The following ZC4H2 variants were observed in gnomAD, a reference collection of about 807,000 sequenced individuals.
ZC4H2 encodes zinc finger C4H2-type containing.
For missense variants in ZC4H2, 137 were observed against 173.9 expected (o/e 0.79, Z 1.19); for synonymous variants, 84 against 66.3 (o/e 1.27, Z -1.30).
At chrX:64,925,260 T>C (rs1204574478) in intron 1 of ZC4H2, among the ~76,000 whole-genome samples, 1 of 111,633 alleles carries the variant, frequency 9.0e-6, no homozygotes, top group Non-Finnish European at 1.9e-5. Flanking sequence ...ATAATAATCA[T>C]TAGTGGGAGA....
chrX:65,003,577 T>C (rs1932595164), intron 1 of ZC4H2, among the ~76,000 whole-genome samples: 1 of 110,768 alleles, frequency 9.0e-6, no homozygotes, highest in Non-Finnish European at 1.9e-5. Flanking sequence ...GAAATAGACA[T>C]GATAAAAATG....
intron 1 of ZC4H2, among the ~76,000 whole-genome samples, chrX:64,935,718 C>A (rs974228821): frequency 8.9e-6 from 1 of 111,921 alleles, no homozygotes; most frequent in Non-Finnish European, 1.9e-5. Context: ...TTCCAGCAGA[C>A]CTGCAGCAGA....
chrX:64,980,778 AC>A (rs1010899160), upstream of ZC4H2, among the ~76,000 whole-genome samples: 1 of 111,239 alleles, frequency 9.0e-6, no homozygotes, highest in Non-Finnish European at 1.9e-5. Context: ...CCATGCTCTC[AC>A]CTACTATGTT....
At chrX:64,980,209 C>T (rs1932055337), upstream of ZC4H2, among the ~76,000 whole-genome samples, 1 of 112,192 alleles carries the variant, frequency 8.9e-6, no homozygotes, top group Non-Finnish European at 1.9e-5. Context: ...TGTCAGGAAC[C>T]ATCGAGGTTT....
At position 65,000,085 on chromosome X, in the gene ZC4H2, G is replaced by C. The variant is rs1443377430; in HGVS notation, c.-272+34544C>G. ...GCACATCTCCAAGCACAGCATGTGA[G>C]CTCTGCTTAAGGGATAGACTGCTTC... On this transcript the variant is annotated intron_variant, in intron 1 of 4. Transcript: ENST00000337990. Among the ~76,000 whole-genome samples, 4 of 112,469 alleles carry C rather than the reference G, an allele frequency of 3.6e-5. No individual in the cohort carries two copies. In the Admixed American group the frequency reaches 3.7e-4, roughly 10 times the overall value.
At position 64,918,933 on chromosome X, in the gene ZC4H2, T is replaced by C. The variant is rs7054809; in HGVS notation, c.561+109A>G. On this transcript the variant is annotated intron_variant, in intron 4 of 4. Coordinates refer to ENST00000374839, the MANE Select transcript of ZC4H2 (RefSeq NM_018684.4). ...CCACTGTGTCACAAGCAAAGGCCAT[T>C]AAAAGAAGGCCCAGCATAAATAAAG... 2,481 of 997,207 alleles carry C rather than the reference T, an allele frequency of 2.5e-3. 31 individuals carry two copies. The African/African-American group carries it at 0.043, about 17-fold the overall frequency. 82.2% of individuals were successfully genotyped at this position (997,207 alleles called of 1,213,427 possible).
chrX:65,014,552 C>T (rs1169619216), intron 1 of ZC4H2, among the ~76,000 whole-genome samples: 1 of 111,766 alleles, frequency 8.9e-6, no homozygotes, highest in Non-Finnish European at 1.9e-5. Context: ...ATTCATATTT[C>T]ACCAAGCTCT....
chrX:64,999,305 G>C (rs1932487519), intron 1 of ZC4H2, among the ~76,000 whole-genome samples: 1 of 111,229 alleles, frequency 9.0e-6, no homozygotes, highest in Non-Finnish European at 1.9e-5. Context: ...GCTGAAGCAG[G>C]GTGGGGTATT....
At chrX:64,945,539 C>G (rs1400698875) in intron 1 of ZC4H2, among the ~76,000 whole-genome samples, 1 of 111,757 alleles carries the variant, frequency 8.9e-6, no homozygotes, top group Non-Finnish European at 1.9e-5. Context: ...AGGTGTCTCC[C>G]AGTCAGGAGG....
rs1226049813 is a variant in ZC4H2, at chrX:64,917,714, C to T, written c.*69G>A. The T allele has an allele frequency of 1.3e-5, 15 of 1,170,564 alleles. No individual in the cohort carries two copies. Among genetic ancestry groups the T allele is most frequent in the Non-Finnish European group, 1.7e-5 (15 of 874,005 alleles). On this transcript the variant is annotated 3_prime_UTR_variant, in exon 5 of 5. Coordinates refer to ENST00000374839, the MANE Select transcript of ZC4H2 (RefSeq NM_018684.4). Reference sequence around the variant, plus strand: ...GGGTTGGGCAAGGGTTGTTTCACATCAGGACATCAATGACTCTGGTCAAGG... The same window carrying T: ...GGGTTGGGCAAGGGTTGTTTCACATTAGGACATCAATGACTCTGGTCAAGG...
At chrX:65,026,274 T>C (rs939970141) in intron 1 of ZC4H2, among the ~76,000 whole-genome samples, 1 of 111,866 alleles carries the variant, frequency 8.9e-6, no homozygotes, top group African/African-American at 3.3e-5. Context: ...TATAAATTAT[T>C]CAGGCAAAAT....
intron 1 of ZC4H2, among the ~76,000 whole-genome samples, chrX:65,013,562 C>G (rs1373082629): frequency 1.8e-5 from 2 of 111,527 alleles, no homozygotes; most frequent in Non-Finnish European, 1.9e-5. Context: ...GCTCTTGTGA[C>G]AAGGAACTAA....
At chrX:64,993,674 T>G (rs1192860248) in intron 1 of ZC4H2, among the ~76,000 whole-genome samples, 1 of 111,831 alleles carries the variant, frequency 8.9e-6, no homozygotes, top group Non-Finnish European at 1.9e-5. Context: ...TGGTACTTTG[T>G]TATAACAGTG....
chrX:64,928,636 CT>C (rs1569204044), intron 1 of ZC4H2, among the ~76,000 whole-genome samples: 2 of 44,859 alleles, frequency 4.5e-5, no homozygotes, highest in Non-Finnish European at 1.0e-4. Context: ...CTTTCTCCTT[CT>C]TCTTCTTCTT....
intron 1 of ZC4H2, among the ~76,000 whole-genome samples, chrX:64,967,918 C>A (rs760125645): frequency 8.9e-6 from 1 of 111,739 alleles, no homozygotes; most frequent in South Asian, 3.8e-4. Context: ...ATAAGCGGGG[C>A]TCAATCATTA....
At chrX:64,955,029 G>A (rs1931098434) in intron 1 of ZC4H2, among the ~76,000 whole-genome samples, 1 of 111,490 alleles carries the variant, frequency 9.0e-6, no homozygotes, top group African/African-American at 3.3e-5. Flanking sequence ...TCCTTCCTGA[G>A]TCGTTAAAGC....
chrX:65,013,419 T>C (rs1398750487), intron 1 of ZC4H2, among the ~76,000 whole-genome samples: 3 of 111,976 alleles, frequency 2.7e-5, no homozygotes, highest in Non-Finnish European at 5.6e-5. Flanking sequence ...GAACAGAATA[T>C]AGCAAAACTC....
At chrX:65,032,147 A>G (rs972737791) in intron 1 of ZC4H2, among the ~76,000 whole-genome samples, 1 of 111,790 alleles carries the variant, frequency 8.9e-6, no homozygotes, top group African/African-American at 3.3e-5. Flanking sequence ...CCCAGGAAAG[A>G]TATTGAAGGA....
At chrX:64,943,651 CCTG>C (rs1004981342) in intron 1 of ZC4H2, among the ~76,000 whole-genome samples, 5 of 111,177 alleles carry the variant, frequency 4.5e-5, no homozygotes, top group African/African-American at 1.6e-4. Context: ...GATTGCAGCC[CCTG>C]CTTTTTTTTT....
Sources: allele counts gnomAD v4.1 joint callset (sites outside exome capture counted in the v4.1 genomes callset), GRCh38; gene constraint gnomAD v4.1.1; transcripts MANE v1.5; gene names NCBI Gene and HGNC (gene_info 2026-07-23, HGNC 2026-07-21).